The following PRKN variants were observed in gnomAD, a reference collection of about 807,000 sequenced individuals.
PRKN encodes E3 ubiquitin-protein ligase parkin.
PRKN carries 56 observed loss-of-function variants against 59.5 expected under a neutral mutation model. The ratio of observed to expected loss-of-function variants is 0.94; its 90% confidence interval spans 0.76 to 1.18. The LOEUF is 1.18. PRKN is among the 50% of genes most tolerant of loss of function. The pLI is 0.00. For missense variants in PRKN, 657 were observed against 596.4 expected, an observed-to-expected ratio of 1.10 and a Z score of -1.06; for synonymous variants, 250 against 222.1, an observed-to-expected ratio of 1.13 and a Z score of -1.12.
chr6:162,694,300 C>T (rs1777893231), intron 1 of PRKN, among the ~76,000 whole-genome samples: 1 of 150,260 alleles, frequency 6.7e-6, no homozygotes, highest in Admixed American at 6.6e-5. Flanking sequence ...TCAATAGCAG[C>T]AATCAGTAGC....
chr6:162,227,993 A>G lies in PRKN; in HGVS notation c.413-26741T>C, dbSNP rs189059789. On this transcript the variant is annotated intron_variant, in intron 3 of 11. Transcript: ENST00000366898. ...TGAGTGACATCAATGTGTTCTTGTG[A>G]GGGCTATTTTCTCATGTTTGGTGGT... Among the ~76,000 whole-genome samples, 9 of 152,038 alleles carry G rather than the reference A, an allele frequency of 5.9e-5. No homozygotes were observed. The East Asian group carries it at 1.2e-3, about 20-fold the overall frequency.
intron 2 of PRKN, among the ~76,000 whole-genome samples, chr6:162,302,927 T>C (rs1247586103): frequency 6.6e-6 from 1 of 150,376 alleles, no homozygotes; most frequent in Non-Finnish European, 1.5e-5. Flanking sequence ...ATCATAATGC[T>C]AAGGGCCTAT....
At chr6:162,618,282 G>A (rs566518539) in intron 1 of PRKN, among the ~76,000 whole-genome samples, 18 of 152,152 alleles carry the variant, frequency 1.2e-4, no homozygotes, top group Non-Finnish European at 1.8e-4. Context: ...CATGGATAAT[G>A]GTGAGCTATC....
At chr6:162,060,025 T>C (rs1002196356) in intron 4 of PRKN, among the ~76,000 whole-genome samples, 3 of 152,252 alleles carry the variant, frequency 2.0e-5, no homozygotes, top group African/African-American at 7.2e-5. Context: ...CAATGAGCTG[T>C]TGCAACACAG....
chr6:162,073,961 C>A (rs1778701635), intron 4 of PRKN, among the ~76,000 whole-genome samples: 1 of 151,860 alleles, frequency 6.6e-6, no homozygotes, highest in Non-Finnish European at 1.5e-5. Context: ...GAATGGCAAT[C>A]ATTAAAAAGT....
chr6:162,312,601 G>A (rs1255316306), intron 2 of PRKN, among the ~76,000 whole-genome samples: 1 of 152,032 alleles, frequency 6.6e-6, no homozygotes, highest in East Asian at 1.9e-4. Context: ...GGATGACAGG[G>A]GATAACACAC....
intron 1 of PRKN, chr6:162,624,458 T>C (rs1782804563): frequency 6.6e-6 from 1 of 152,214 alleles, no homozygotes; most frequent in African/African-American, 2.4e-5. Flanking sequence ...GAGAGCTGCA[T>C]GGGAGGTCTA....
At chr6:162,415,909 A>T (rs1447024870) in intron 2 of PRKN, among the ~76,000 whole-genome samples, 1 of 152,216 alleles carries the variant, frequency 6.6e-6, no homozygotes, top group Admixed American at 6.5e-5. Context: ...CTTCATAGGT[A>T]ATACTCAGCA....
At chr6:161,682,608 G>A (rs1232143627) in intron 7 of PRKN, among the ~76,000 whole-genome samples, 2 of 151,944 alleles carry the variant, frequency 1.3e-5, no homozygotes, top group Non-Finnish European at 2.9e-5. Flanking sequence ...AAAGATGGGG[G>A]GCATTCTCAG....
intron 1 of PRKN, among the ~76,000 whole-genome samples, chr6:162,530,808 G>C (rs1439396348): frequency 1.3e-5 from 2 of 152,102 alleles, no homozygotes; most frequent in African/African-American, 4.8e-5. Context: ...CATAATCCTG[G>C]TACTTTGGGA....
At chr6:161,777,882 A>G (rs149505909) in intron 7 of PRKN, among the ~76,000 whole-genome samples, 5,080 of 134,928 alleles carry the variant, frequency 0.038, 381 homozygotes, top group African/African-American at 0.13. Context: ...ATACGTATAT[A>G]TGTATATATA....
intron 4 of PRKN, among the ~76,000 whole-genome samples, chr6:162,144,699 ATTGACTGCTGAGAATTGCACCAATTT>A (rs369950822): frequency 8.5e-5 from 13 of 152,300 alleles, no homozygotes; most frequent in African/African-American, 3.1e-4. Flanking sequence ...GGTAGTTCTA[ATTGACTGCTGAGAATTGCACCAATTT>A]TTAGCTTGGC....
chr6:162,644,984 T>C (rs1778112373), intron 1 of PRKN, among the ~76,000 whole-genome samples: 1 of 152,194 alleles, frequency 6.6e-6, no homozygotes, highest in Non-Finnish European at 1.5e-5. Flanking sequence ...ATAGTCATAG[T>C]TTATTGAGCA....
At chr6:161,848,352 C>CA (rs1793285353) in intron 6 of PRKN, among the ~76,000 whole-genome samples, 1 of 151,772 alleles carries the variant, frequency 6.6e-6, no homozygotes, top group Non-Finnish European at 1.5e-5. Context: ...GATATAGCAT[C>CA]AAAAAAAGGC....
At chr6:162,456,104 T>C (rs985955065) in intron 1 of PRKN, among the ~76,000 whole-genome samples, 6 of 152,126 alleles carry the variant, frequency 3.9e-5, no homozygotes, top group African/African-American at 1.4e-4. Context: ...TAAATTTTTG[T>C]TACAATTTTG....
Position 161,874,143 on chromosome 6 carries a change from AATATAATATATATTAT to A in PRKN, c.735-88251_735-88236del, listed in dbSNP as rs1562353927. On this transcript the variant is annotated intron_variant, in intron 6 of 11. Transcript: ENST00000366898. Reference sequence around the variant, plus strand: ...AATATATAATATATATTATATGTAAAATATAATATATATTATATATAATATATAATATATATTATAT... The same window carrying A: ...AATATATAATATATATTATATGTAAAATATAATATATAATATATATTATAT... Among the ~76,000 whole-genome samples the A allele has an allele frequency of 1.8e-3, 84 of 47,392 alleles. 8 individuals carry two copies. The highest frequency in any genetic ancestry group is 0.019 in the Middle Eastern group (1 of 52). The allele number at this position is 47,392 out of a possible 152,430, so 31.1% of individuals were successfully genotyped here.
chr6:161,426,676 C>CACACACACA (rs11271613), intron 9 of PRKN, among the ~76,000 whole-genome samples: 2 of 142,676 alleles, frequency 1.4e-5, no homozygotes, highest in African/African-American at 2.7e-5. Context: ...CACACACACA[C>CACACACACA]CTCCTATTAG....
chr6:161,516,415 C>T (rs1202812446), intron 9 of PRKN, among the ~76,000 whole-genome samples: 1 of 133,274 alleles, frequency 7.5e-6, no homozygotes, highest in African/African-American at 2.8e-5. Flanking sequence ...TGCAGTGAGC[C>T]AAGATTGCAC....
At chr6:161,789,717 A>C (rs1790563397) in intron 6 of PRKN, among the ~76,000 whole-genome samples, 1 of 152,166 alleles carries the variant, frequency 6.6e-6, no homozygotes. Flanking sequence ...ATCAACATTA[A>C]ATGAAAAGTC....
Sources: allele counts gnomAD v4.1 joint callset (sites outside exome capture counted in the v4.1 genomes callset), GRCh38; gene constraint gnomAD v4.1.1; transcripts MANE v1.5; gene names NCBI Gene and HGNC (gene_info 2026-07-23, HGNC 2026-07-21).